Variants in FAM110B observed in about 807,000 individuals in gnomAD.
The protein encoded by FAM110B is protein FAM110B.
FAM110B carries 6 observed loss-of-function variants against 20.4 expected under a neutral mutation model. The observed-to-expected ratio is 0.29, with a 90% CI of 0.16 to 0.58. The LOEUF is 0.58. Among genes scored for constraint, FAM110B ranks in the 20% least tolerant of loss-of-function variants. The pLI is 0.90. For missense variants in FAM110B, 434 were observed against 498.2 expected, an observed-to-expected ratio of 0.87 and a Z score of 1.23; for synonymous variants, 226 against 214.1, an observed-to-expected ratio of 1.06 and a Z score of -0.49.
chr8:58,107,013 C>A (rs72660402), intron 3 of FAM110B, among the ~76,000 whole-genome samples: 17,352 of 151,978 alleles, frequency 0.11, 2,314 homozygotes, highest in African/African-American at 0.32. Flanking sequence ...GTACTCATTG[C>A]ATGGTTTTGG....
At chr8:58,043,666 T>G (rs1008463941) in intron 2 of FAM110B, among the ~76,000 whole-genome samples, 1 of 152,178 alleles carries the variant, frequency 6.6e-6, no homozygotes, top group African/African-American at 2.4e-5. Flanking sequence ...CCCTGACCTC[T>G]TTCTGCTTTG....
At position 58,147,677 on chromosome 8, in the gene FAM110B, T is replaced by C; in HGVS notation, c.*334T>C. ...TTTTATATCCCGCGCTATTGTGTCT[T>C]AATTAAAAGTTTTATCAACTGGCTT... On this transcript the variant is annotated 3_prime_UTR_variant, in exon 4 of 4. Coordinates refer to ENST00000519262, the MANE Select transcript of FAM110B (RefSeq NM_001377989.1). 4.2e-6 allele frequency: 1 copy of C among 240,334 alleles called. No homozygotes were observed. The highest frequency in any genetic ancestry group is 8.8e-6 in the Non-Finnish European group (1 of 113,680). 14.9% of individuals were successfully genotyped at this position (240,334 alleles called of 1,614,324 possible).
chr8:58,005,219 G>A (rs1486660036), intron 1 of FAM110B, among the ~76,000 whole-genome samples: 1 of 152,164 alleles, frequency 6.6e-6, no homozygotes, highest in East Asian at 1.9e-4. Flanking sequence ...GAGAGGATAG[G>A]GAGGCCTGAG....
intron 2 of FAM110B, among the ~76,000 whole-genome samples, chr8:58,066,338 C>T (rs886326811): frequency 6.6e-6 from 1 of 152,150 alleles, no homozygotes; most frequent in Admixed American, 6.5e-5. Flanking sequence ...GGGGCTGATG[C>T]GCAGGTACTG....
At chr8:57,999,569 A>G (rs1804252971) in intron 1 of FAM110B, among the ~76,000 whole-genome samples, 1 of 152,242 alleles carries the variant, frequency 6.6e-6, no homozygotes, top group South Asian at 2.1e-4. Flanking sequence ...AAAATAAGTA[A>G]TTATGCAAAA....
intron 2 of FAM110B, among the ~76,000 whole-genome samples, chr8:58,061,367 A>G (rs764497890): frequency 2.6e-5 from 4 of 152,196 alleles, no homozygotes; most frequent in Non-Finnish European, 5.9e-5. Context: ...AGCCTTCTAT[A>G]TAATTGAGTA....
chr8:58,034,753 G>A (rs1805039900), intron 2 of FAM110B, among the ~76,000 whole-genome samples: 1 of 152,202 alleles, frequency 6.6e-6, no homozygotes, highest in Non-Finnish European at 1.5e-5. Context: ...ACCTACTTCT[G>A]AGGGTTGCTG....
At chr8:58,063,045 G>T (rs1436664343) in intron 2 of FAM110B, among the ~76,000 whole-genome samples, 1 of 152,132 alleles carries the variant, frequency 6.6e-6, no homozygotes, top group Non-Finnish European at 1.5e-5. Flanking sequence ...GCTGGGAATG[G>T]TTAGCACATC....
intron 2 of FAM110B, among the ~76,000 whole-genome samples, chr8:58,042,719 GT>G (rs1805245340): frequency 6.6e-6 from 1 of 152,178 alleles, no homozygotes; most frequent in Admixed American, 6.5e-5. Context: ...TTAAAAATAT[GT>G]TTCTTGTGTA....
chr8:58,052,734 G>T (rs1490832366), intron 2 of FAM110B, among the ~76,000 whole-genome samples: 1 of 148,066 alleles, frequency 6.8e-6, no homozygotes, highest in Non-Finnish European at 1.5e-5. Context: ...GCAATGGGTG[G>T]TTATAAGCCT....
chr8:58,119,935 C>A (rs1458600497), intron 3 of FAM110B, among the ~76,000 whole-genome samples: 3 of 152,196 alleles, frequency 2.0e-5, no homozygotes, highest in Non-Finnish European at 4.4e-5. Flanking sequence ...GAGTAAATAA[C>A]CTGCTTCTGG....
At chr8:58,080,047 T>A (rs1291653681) in intron 3 of FAM110B, among the ~76,000 whole-genome samples, 1 of 152,162 alleles carries the variant, frequency 6.6e-6, no homozygotes, top group Non-Finnish European at 1.5e-5. Context: ...AGCATTAGAA[T>A]CTTCAGTATG....
At chr8:58,031,874 C>G (rs1324728589) in intron 2 of FAM110B, among the ~76,000 whole-genome samples, 171 bp downstream of exon 2, 2 of 152,098 alleles carry the variant, frequency 1.3e-5, no homozygotes, top group Non-Finnish European at 2.9e-5. Flanking sequence ...CCTTCCTCCC[C>G]CTTCCTTTTC....
chr8:58,123,945 T>A (rs1283950325), intron 3 of FAM110B, among the ~76,000 whole-genome samples: 1 of 152,250 alleles, frequency 6.6e-6, no homozygotes, highest in African/African-American at 2.4e-5. Flanking sequence ...TATGTGTTTT[T>A]CGGATTCTTT....
chr8:58,115,568 A>G (rs1167930039), intron 3 of FAM110B, among the ~76,000 whole-genome samples: 1 of 151,868 alleles, frequency 6.6e-6, no homozygotes, highest in Non-Finnish European at 1.5e-5. Context: ...TAATTTTTGT[A>G]TTTTTAGTAG....
intron 3 of FAM110B, among the ~76,000 whole-genome samples, chr8:58,123,091 C>T (rs1807404312): frequency 3.3e-5 from 5 of 152,138 alleles, no homozygotes; most frequent in Admixed American, 3.3e-4. Context: ...AAGGTCCCAC[C>T]CTTTGAAGGC....
At chr8:58,140,462 T>G (rs1383089745) in intron 3 of FAM110B, among the ~76,000 whole-genome samples, 1 of 152,130 alleles carries the variant, frequency 6.6e-6, no homozygotes, top group Non-Finnish European at 1.5e-5. Flanking sequence ...ACTCAACCAT[T>G]ACGGGGCAGA....
chr8:58,019,062 C>T (rs113270418), intron 1 of FAM110B, among the ~76,000 whole-genome samples: 70 of 152,102 alleles, frequency 4.6e-4, no homozygotes, highest in African/African-American at 1.6e-3. Flanking sequence ...AAAGGCCAGG[C>T]GCGGTGGCTC....
At chr8:58,102,184 C>G (rs146751081) in intron 3 of FAM110B, among the ~76,000 whole-genome samples, 36 of 152,326 alleles carry the variant, frequency 2.4e-4, no homozygotes, top group African/African-American at 7.7e-4. Context: ...AACTTTGGAA[C>G]GGCTTCAGTG....
Sources: gnomAD v4.1 joint callset for allele counts (sites outside exome capture counted in the v4.1 genomes callset) on GRCh38, gnomAD v4.1.1 for gene constraint, MANE v1.5 for transcripts, NCBI Gene and HGNC (gene_info 2026-07-23, HGNC 2026-07-21) for gene names.